Variants in DAB1 observed in about 807,000 individuals in gnomAD.
The protein encoded by DAB1 is disabled homolog 1.
DAB1 carries 15 observed loss-of-function variants against 64.6 expected under a neutral mutation model. The observed-to-expected ratio is 0.23, with a 90% CI of 0.16 to 0.36. DAB1 has a LOEUF of 0.36. Among genes scored for constraint, DAB1 ranks in the 10% least tolerant of loss-of-function variants. DAB1 has a pLI of 1.00. For synonymous variants in DAB1, 235 were observed against 251.9 expected (o/e 0.93, Z 0.64); for missense variants, 596 against 706.7 (o/e 0.84, Z 1.78).
chr1:57,199,183 G>A (rs539587839), intron 2 of DAB1, among the ~76,000 whole-genome samples: 4 of 152,266 alleles, frequency 2.6e-5, no homozygotes, highest in Admixed American at 1.3e-4. Context: ...ACCTTGTTAA[G>A]GAGTCCACTT....
intron 1 of DAB1, among the ~76,000 whole-genome samples, chr1:58,544,665 G>A (rs1017106822): frequency 6.6e-6 from 1 of 152,114 alleles, no homozygotes; most frequent in African/African-American, 2.4e-5. Flanking sequence ...TGCCACCTCG[G>A]CTCACTGCAA....
intron 6 of DAB1, among the ~76,000 whole-genome samples, chr1:57,704,712 T>C (rs572333175): frequency 7.9e-5 from 12 of 152,284 alleles, no homozygotes; most frequent in African/African-American, 2.6e-4. Flanking sequence ...TTGACCAATA[T>C]GTAATTTTGT....
chr1:58,164,077 A>G (rs1487642189), intron 4 of DAB1, among the ~76,000 whole-genome samples: 3 of 151,242 alleles, frequency 2.0e-5, no homozygotes, highest in Admixed American at 6.6e-5. Context: ...AACATGAGTG[A>G]AAAAAGCAAA....
intron 1 of DAB1, among the ~76,000 whole-genome samples, chr1:57,827,754 T>G (rs551682159): frequency 2.0e-4 from 30 of 152,304 alleles, no homozygotes; most frequent in African/African-American, 6.7e-4. Flanking sequence ...CCGTACTCCC[T>G]TTGGCCTGCC....
At chr1:58,221,973 T>C (rs1487176594) in intron 4 of DAB1, among the ~76,000 whole-genome samples, 2 of 152,200 alleles carry the variant, frequency 1.3e-5, no homozygotes, top group Non-Finnish European at 2.9e-5. Context: ...GCTGGCTGAA[T>C]ACACAGACAG....
At chr1:57,660,635 G>C (rs1646375865) in intron 6 of DAB1, among the ~76,000 whole-genome samples, 1 of 152,174 alleles carries the variant, frequency 6.6e-6, no homozygotes, top group African/African-American at 2.4e-5. Context: ...AGGCTGGGAG[G>C]GCTGCCCTCT....
intron 5 of DAB1, among the ~76,000 whole-genome samples, chr1:57,964,992 C>T (rs56183546): frequency 0.021 from 2,617 of 124,778 alleles, 39 homozygotes; most frequent in Non-Finnish European, 0.04. Flanking sequence ...CCCAAGAAGA[C>T]TCACTAAGGC....
chr1:57,158,996 C>A (rs558059963), intron 2 of DAB1, among the ~76,000 whole-genome samples: 8 of 152,166 alleles, frequency 5.3e-5, no homozygotes, highest in African/African-American at 1.9e-4. Context: ...CATCTGAGAA[C>A]CTGGGAATCT....
Position 57,145,527 on chromosome 1 carries a change from A to C in DAB1, c.68-98T>G. The C allele has an allele frequency of 4.6e-6, 6 of 1,316,172 alleles. No individual in the cohort carries two copies. In the South Asian group the frequency reaches 8.4e-5, roughly 18 times the overall value. 81.5% of individuals were successfully genotyped at this position (1,316,172 alleles called of 1,614,324 possible). A position where few individuals can be genotyped will look rare whatever the true frequency, so the allele number is the denominator to read the frequency against. ...AGATCCGCTGTCTGGTTTCATCTAC[A>C]TTCCCGGAAAGTCAAATCACTGGAC... On this transcript the variant is annotated intron_variant, in intron 2 of 14. Coordinates refer to ENST00000371236, the MANE Select transcript of DAB1 (RefSeq NM_001365792.1).
chr1:57,674,602 A>G (rs1646544652), intron 6 of DAB1, among the ~76,000 whole-genome samples: 1 of 152,146 alleles, frequency 6.6e-6, no homozygotes. Flanking sequence ...TCAGGCTATC[A>G]GTCTTGCCTG....
intron 1 of DAB1, among the ~76,000 whole-genome samples, chr1:57,344,511 G>A (rs1206629374): frequency 1.3e-5 from 2 of 151,998 alleles, no homozygotes; most frequent in African/African-American, 4.8e-5. Context: ...ATGCTAAATT[G>A]TACACAATTA....
chr1:57,132,075 C>G (rs919475178), intron 4 of DAB1, among the ~76,000 whole-genome samples: 1 of 152,032 alleles, frequency 6.6e-6, no homozygotes, highest in African/African-American at 2.4e-5. Flanking sequence ...ATTATCTGGT[C>G]CTCTCCAACT....
At chr1:57,520,944 C>T (rs1644518644) in intron 7 of DAB1, among the ~76,000 whole-genome samples, 1 of 151,876 alleles carries the variant, frequency 6.6e-6, no homozygotes, top group African/African-American at 2.4e-5. Context: ...AGACGTGTGG[C>T]CATGAAAGGT....
chr1:57,371,255 C>G (rs1353879603), intron 1 of DAB1, among the ~76,000 whole-genome samples: 1 of 152,170 alleles, frequency 6.6e-6, no homozygotes, highest in Non-Finnish European at 1.5e-5. Context: ...GGGTGGCCAC[C>G]GTCGAGTATC....
At chr1:58,256,623 G>T (rs767002069) in intron 4 of DAB1, among the ~76,000 whole-genome samples, 3 of 152,098 alleles carry the variant, frequency 2.0e-5, no homozygotes, top group Admixed American at 6.6e-5. Flanking sequence ...CCTCCCCAAG[G>T]TTCTCACAAT....
intron 7 of DAB1, among the ~76,000 whole-genome samples, chr1:57,635,439 C>T (rs938466112): frequency 6.6e-6 from 1 of 151,484 alleles, no homozygotes; most frequent in Non-Finnish European, 1.5e-5. Context: ...TCAGCTATGG[C>T]CTTAGGTTCT....
chr1:57,934,415 A>T (rs1644997640), intron 5 of DAB1, among the ~76,000 whole-genome samples: 1 of 152,178 alleles, frequency 6.6e-6, no homozygotes, highest in South Asian at 2.1e-4. Flanking sequence ...AGAGAGTTAG[A>T]AAGAAAAGTT....
intron 4 of DAB1, among the ~76,000 whole-genome samples, chr1:58,296,054 C>T (rs1197458186): frequency 7.3e-6 from 1 of 137,680 alleles, no homozygotes. Context: ...GATCATGCCA[C>T]TGCAACTCCA....
chr1:57,118,039 G>C (rs1419515969), intron 4 of DAB1, among the ~76,000 whole-genome samples: 1 of 152,196 alleles, frequency 6.6e-6, no homozygotes, highest in Non-Finnish European at 1.5e-5. Context: ...AGGATACTCA[G>C]GTAGTCAGAG....
Sources: gnomAD v4.1 joint callset for allele counts (sites outside exome capture counted in the v4.1 genomes callset) on GRCh38, gnomAD v4.1.1 for gene constraint, MANE v1.5 for transcripts, NCBI Gene and HGNC (gene_info 2026-07-23, HGNC 2026-07-21) for gene names.